SH3BP5: variants seen among roughly 807,000 people sequenced by gnomAD.
The protein encoded by SH3BP5 is SH3 domain-binding protein 5.
SH3BP5 carries 22 observed loss-of-function variants against 43.3 expected under a neutral mutation model. That is an observed-to-expected ratio of 0.51 (90% CI 0.36 to 0.73). SH3BP5 has a LOEUF of 0.73. SH3BP5 is among the 30% of genes least tolerant of loss of function. The probability of loss-of-function intolerance (pLI) is 0.00; values close to 1 mark genes in which losing one functional copy is unlikely to be tolerated. For synonymous variants in SH3BP5, 255 were observed against 225.8 expected (o/e 1.13, Z -1.16); for missense variants, 529 against 586.9 (o/e 0.90, Z 1.02).
chr3:15,287,705 G>A (rs538729675), intron 3 of SH3BP5, among the ~76,000 whole-genome samples: 2 of 152,290 alleles, frequency 1.3e-5, no homozygotes, highest in South Asian at 2.1e-4. Context: ...GAAGTCACAG[G>A]CAAAGACTGG....
chr3:15,273,280 T>C (rs1696868655), intron 3 of SH3BP5: 1 of 985,450 alleles, frequency 1.0e-6, no homozygotes, highest in South Asian at 4.7e-5. Flanking sequence ...AATCCCTTAT[T>C]TCTTCAAGCA....
chr3:15,257,238 C>G (rs1479558930), intron 7 of SH3BP5, 125 bp from the exon 8 acceptor site: 48 of 982,692 alleles, frequency 4.9e-5, no homozygotes, highest in Non-Finnish European at 5.3e-5. Context: ...CTGTGAGTGC[C>G]TAATGAAGGA....
rs985415290 is a variant in SH3BP5 at position 15,254,900 on chromosome 3, A to G, written c.*1186T>C. The G allele has an allele frequency of 2.0e-5, 3 of 152,172 alleles. No individual in the cohort carries two copies. The highest frequency in any genetic ancestry group is 4.4e-5 in the Non-Finnish European group (3 of 68,022). 9.4% of individuals were successfully genotyped at this position (152,172 alleles called of 1,614,324 possible). On this transcript the variant is annotated 3_prime_UTR_variant, in exon 9 of 9. Transcript: ENST00000383791. ...CACTTAGTGTATTAAGACAAGTACA[A>G]AATAACCTTGTAATTAAGATACTGT... is the stretch of plus-strand genomic sequence containing the variant.
intron 3 of SH3BP5, among the ~76,000 whole-genome samples, chr3:15,286,486 C>G (rs1406560197): frequency 6.6e-6 from 1 of 152,250 alleles, no homozygotes; most frequent in Admixed American, 6.5e-5. Flanking sequence ...ATCCAAATGT[C>G]TCAGGGTTGA....
intron 3 of SH3BP5, among the ~76,000 whole-genome samples, chr3:15,283,160 G>A (rs1697173703): frequency 6.6e-6 from 1 of 152,208 alleles, no homozygotes; most frequent in Non-Finnish European, 1.5e-5. Context: ...CACTTTGGGA[G>A]GCCAAGGCGG....
At chr3:15,325,745 C>A (rs557906155) in intron 2 of SH3BP5, among the ~76,000 whole-genome samples, 2 of 152,324 alleles carry the variant, frequency 1.3e-5, no homozygotes, top group South Asian at 4.1e-4. Flanking sequence ...GCTGGTCAGG[C>A]GCAGTGGCTC....
Position 15,286,756 on chromosome 3 carries a change from G to C in SH3BP5, c.331-16879C>G, listed in dbSNP as rs561523332. 5.9e-5 allele frequency among the ~76,000 whole-genome samples: 9 copies of C among 152,232 alleles called. No individual in the cohort carries two copies. In the South Asian group the frequency reaches 1.9e-3, roughly 32 times the overall value. ...AGATGGGGTTTTGCCACGTTGCCCA[G>C]GCTGGTCTTGAACTCCTAGGCTCAA... On this transcript the variant is annotated intron_variant, in intron 3 of 8. Coordinates refer to ENST00000383791, the MANE Select transcript of SH3BP5 (RefSeq NM_004844.5).
At chr3:15,270,824 G>A (rs1281742346) in intron 3 of SH3BP5, among the ~76,000 whole-genome samples, 1 of 151,402 alleles carries the variant, frequency 6.6e-6, no homozygotes, top group Non-Finnish European at 1.5e-5. Context: ...TACTTGGGAG[G>A]CTGAGGCAGA....
intron 2 of SH3BP5, among the ~76,000 whole-genome samples, chr3:15,317,036 T>A (rs1351556206): frequency 6.6e-6 from 1 of 152,224 alleles, no homozygotes; most frequent in African/African-American, 2.4e-5. Flanking sequence ...ACAAAAGCAC[T>A]ATTTCCATGT....
At chr3:15,296,341 T>TATACACACACAC (rs1553616951) in intron 3 of SH3BP5, among the ~76,000 whole-genome samples, 1 of 146,160 alleles carries the variant, frequency 6.8e-6, no homozygotes, top group African/African-American at 2.5e-5. Flanking sequence ...GGAAATCATA[T>TATACACACACAC]ACACACACAC....
At chr3:15,332,152 G>A (rs1698627988) in intron 1 of SH3BP5, 119 bp downstream of exon 1, 1 of 1,471,996 alleles carries the variant, frequency 6.8e-7, no homozygotes, top group Non-Finnish European at 9.1e-7. Flanking sequence ...GCCACCCTAT[G>A]TGGCCGCCAG....
chr3:15,315,734 T>C (rs540443554), intron 2 of SH3BP5, among the ~76,000 whole-genome samples: 3 of 152,216 alleles, frequency 2.0e-5, no homozygotes, highest in Middle Eastern at 3.2e-3. Flanking sequence ...GCAGCCCTCC[T>C]TTCAATCCTT....
At chr3:15,327,566 C>G (rs763033203) in intron 2 of SH3BP5, among the ~76,000 whole-genome samples, 1 of 152,234 alleles carries the variant, frequency 6.6e-6, no homozygotes, top group Non-Finnish European at 1.5e-5. Flanking sequence ...CCTCCAGCAG[C>G]GCCCCTCCAG....
chr3:15,259,951 G>A, intron 5 of SH3BP5, 148 bp from the exon 6 acceptor site: 1 of 709,276 alleles, frequency 1.4e-6, no homozygotes. Flanking sequence ...TGACATGTCA[G>A]TGATGCTCCT....
chr3:15,306,394 C>T (rs1416486388), intron 2 of SH3BP5, among the ~76,000 whole-genome samples: 4 of 151,928 alleles, frequency 2.6e-5, no homozygotes, highest in Non-Finnish European at 5.9e-5. Context: ...GGCATGGTGC[C>T]GTGTGCCTAT....
intron 3 of SH3BP5, among the ~76,000 whole-genome samples, chr3:15,289,186 A>G (rs548200230): frequency 3.6e-4 from 55 of 152,178 alleles, no homozygotes; most frequent in Non-Finnish European, 7.2e-4. Context: ...AGCTGCTCCC[A>G]ATATCCATTC....
At chr3:15,328,957 T>C (rs1211906453) in intron 2 of SH3BP5, among the ~76,000 whole-genome samples, 1 of 152,150 alleles carries the variant, frequency 6.6e-6, no homozygotes, top group Non-Finnish European at 1.5e-5. Flanking sequence ...CTATTGTGAC[T>C]GAGAAATGGA....
At chr3:15,267,744 T>C (rs1696684443) in intron 4 of SH3BP5, among the ~76,000 whole-genome samples, 1 of 152,194 alleles carries the variant, frequency 6.6e-6, no homozygotes, top group Non-Finnish European at 1.5e-5. Context: ...CCCTGAGTTA[T>C]ACAGTGTGGA....
chr3:15,309,079 GA>G (rs749315374), intron 2 of SH3BP5, among the ~76,000 whole-genome samples: 3 of 152,140 alleles, frequency 2.0e-5, no homozygotes, highest in Non-Finnish European at 2.9e-5. Flanking sequence ...GACAGAGGGT[GA>G]AAAGAGACAA....
Sources: gnomAD v4.1 joint callset for allele counts (sites outside exome capture counted in the v4.1 genomes callset) on GRCh38, gnomAD v4.1.1 for gene constraint, MANE v1.5 for transcripts, NCBI Gene and HGNC (gene_info 2026-07-23, HGNC 2026-07-21) for gene names.